The following DCC variants were observed in gnomAD, a reference collection of about 807,000 sequenced individuals.
The protein encoded by DCC is netrin receptor DCC.
DCC carries 58 observed loss-of-function variants against 172.5 expected under a neutral mutation model. That is an observed-to-expected ratio of 0.34 (90% CI 0.27 to 0.42). DCC has a LOEUF of 0.42. DCC is among the 10% of genes least tolerant of loss of function. The pLI, the probability that DCC is intolerant of heterozygous loss-of-function variation, is 1.00. For synonymous variants in DCC, 709 were observed against 644.5 expected, an observed-to-expected ratio of 1.10 and a Z score of -1.52; for missense variants, 1,740 against 1,791.0, an observed-to-expected ratio of 0.97 and a Z score of 0.51.
At chr18:53,233,424 A>G (rs1371839643) in intron 12 of DCC, among the ~76,000 whole-genome samples, 1 of 152,210 alleles carries the variant, frequency 6.6e-6, no homozygotes, top group East Asian at 1.9e-4. Flanking sequence ...CATATCAAGA[A>G]ACAGTTTTCA....
chr18:53,090,966 G>C (rs1448540255), intron 7 of DCC, among the ~76,000 whole-genome samples: 1 of 151,832 alleles, frequency 6.6e-6, no homozygotes, highest in Non-Finnish European at 1.5e-5. Context: ...ACTGTTAACA[G>C]CTCCTCTGGC....
At chr18:52,593,078 C>A (rs2033834389) in intron 1 of DCC, among the ~76,000 whole-genome samples, 1 of 152,164 alleles carries the variant, frequency 6.6e-6, no homozygotes, top group South Asian at 2.1e-4. Context: ...CAGGCTTATT[C>A]AATAGATTCA....
chr18:53,179,401 C>G (rs1234414165), intron 9 of DCC, among the ~76,000 whole-genome samples: 1 of 152,190 alleles, frequency 6.6e-6, no homozygotes, highest in Admixed American at 6.6e-5. Context: ...CTCTTCCTGA[C>G]AGTATTTTAT....
At chr18:52,974,254 G>A (rs988115499) in intron 5 of DCC, among the ~76,000 whole-genome samples, 7 of 152,110 alleles carry the variant, frequency 4.6e-5, no homozygotes, top group South Asian at 4.1e-4. Flanking sequence ...TATTGTTCAC[G>A]TAGGTAGCAT....
intron 2 of DCC, among the ~76,000 whole-genome samples, chr18:52,889,099 C>T (rs2039610825): frequency 6.6e-6 from 1 of 151,944 alleles, no homozygotes; most frequent in Admixed American, 6.6e-5. Flanking sequence ...TGTTTTCAAT[C>T]ATCAATTAAA....
At chr18:52,477,142 A>T (rs1196013621) in intron 1 of DCC, among the ~76,000 whole-genome samples, 1 of 152,118 alleles carries the variant, frequency 6.6e-6, no homozygotes, top group East Asian at 1.9e-4. Flanking sequence ...CCACTACGTT[A>T]TTATGTAGAG....
At chr18:52,915,203 T>C (rs1211865838) in intron 3 of DCC, among the ~76,000 whole-genome samples, 1 of 152,138 alleles carries the variant, frequency 6.6e-6, no homozygotes, top group African/African-American at 2.4e-5. Flanking sequence ...AATAACTGTT[T>C]AGGGAAATGG....
At chr18:53,275,932 C>T (rs1401308338) in intron 12 of DCC, among the ~76,000 whole-genome samples, 2 of 152,008 alleles carry the variant, frequency 1.3e-5, no homozygotes, top group Non-Finnish European at 2.9e-5. Flanking sequence ...CAGTTATTTT[C>T]AGGCCATTAG....
chr18:53,334,461 G>C (rs11872549), intron 14 of DCC, among the ~76,000 whole-genome samples: 25,242 of 152,054 alleles, frequency 0.17, 2,641 homozygotes, highest in African/African-American at 0.29. Flanking sequence ...CAATCTTTAA[G>C]TATACAGTTC....
chr18:53,113,992 T>A (rs1030833068), intron 7 of DCC, among the ~76,000 whole-genome samples: 3 of 151,436 alleles, frequency 2.0e-5, no homozygotes. Flanking sequence ...CTCTCTAAAT[T>A]TCAAGCAGAA....
intron 22 of DCC, among the ~76,000 whole-genome samples, chr18:53,448,106 ACGT>A (rs936788266): frequency 1.5e-4 from 22 of 146,960 alleles, no homozygotes; most frequent in Non-Finnish European, 3.0e-4. Flanking sequence ...TTGTCAAAAG[ACGT>A]CATTTCAGTT....
chr18:52,367,118 C>T (rs1392997798), intron 1 of DCC, among the ~76,000 whole-genome samples: 1 of 152,232 alleles, frequency 6.6e-6, no homozygotes, highest in East Asian at 1.9e-4. Flanking sequence ...CTGGGGGACC[C>T]AGTACACCCT....
At chr18:52,405,545 G>A (rs1271246482) in intron 1 of DCC, among the ~76,000 whole-genome samples, 4 of 151,136 alleles carry the variant, frequency 2.6e-5, no homozygotes, top group African/African-American at 9.7e-5. Context: ...ACAGAGAGCC[G>A]AATCGTGAGT....
chr18:52,968,771 T>A (rs1306015316), intron 5 of DCC, among the ~76,000 whole-genome samples: 1 of 152,218 alleles, frequency 6.6e-6, no homozygotes, highest in Non-Finnish European at 1.5e-5. Context: ...GCATCTTAAA[T>A]GGTAAATTTA....
rs549449191 is a variant in DCC, at chr18:52,560,512, C to T, written c.92-191542C>T. Among the ~76,000 whole-genome samples, 4 of 152,228 alleles carry T rather than the reference C, an allele frequency of 2.6e-5. No homozygotes were observed. The South Asian group carries it at 8.3e-4, about 32-fold the overall frequency. On this transcript the variant is annotated intron_variant, in intron 1 of 28. Coordinates refer to ENST00000442544, the MANE Select transcript of DCC (RefSeq NM_005215.4). ...ATGGCCTCTCTCATAAACAAGTGAG[C>T]CTGTTTATGAACTAGTGAGCTCTCC... is the stretch of plus-strand genomic sequence containing the variant.
Position 52,446,237 on chromosome 18 carries a change from A to G in DCC, c.91+105359A>G, listed in dbSNP as rs868569533. Among the ~76,000 whole-genome samples, 3 of 152,306 alleles carry G rather than the reference A, an allele frequency of 2.0e-5. 1 individual carries two copies. The Middle Eastern group carries it at 0.01, about 518-fold the overall frequency. ...TGCCCGGCCTCCTTACCAGGTTTTT[A>G]ACTTCAAAATCTACTTTGCCTGTAC... On this transcript the variant is annotated intron_variant, in intron 1 of 28. Transcript: ENST00000442544.
intron 5 of DCC, among the ~76,000 whole-genome samples, chr18:53,053,377 T>C (rs1488316584): frequency 1.3e-5 from 2 of 152,138 alleles, no homozygotes; most frequent in Non-Finnish European, 2.9e-5. Flanking sequence ...TTATTTGCTA[T>C]TGCTATGCTT....
rs191160908 is a variant in DCC at position 52,911,018 on chromosome 18, C to T, written c.697+4690C>T. ...TTAGATTTTTCTTCATCACTAAGAA[C>T]TTATTACTCAATGGCACATTAAACT... is the stretch of plus-strand genomic sequence containing the variant. On this transcript the variant is annotated intron_variant, in intron 3 of 28. Coordinates refer to ENST00000442544, the MANE Select transcript of DCC (RefSeq NM_005215.4). 2.1e-3 allele frequency among the ~76,000 whole-genome samples: 316 copies of T among 152,176 alleles called. 1 individual carries two copies. Among genetic ancestry groups the T allele is most frequent in the African/African-American group, 7.2e-3 (300 of 41,556 alleles).
intron 1 of DCC, among the ~76,000 whole-genome samples, chr18:52,670,419 T>G (rs1327723325): frequency 1.3e-5 from 2 of 152,244 alleles, no homozygotes; most frequent in Non-Finnish European, 2.9e-5. Context: ...ACTTCTATTG[T>G]GTTCAAATTC....
Sources: gnomAD v4.1 joint callset for allele counts (sites outside exome capture counted in the v4.1 genomes callset) on GRCh38, gnomAD v4.1.1 for gene constraint, MANE v1.5 for transcripts, NCBI Gene and HGNC (gene_info 2026-07-23, HGNC 2026-07-21) for gene names.